MACROD2: variants seen among roughly 807,000 people sequenced by gnomAD.
MACROD2 encodes ADP-ribose glycohydrolase MACROD2.
MACROD2 carries 36 observed loss-of-function variants against 70.4 expected under a neutral mutation model. The ratio of observed to expected loss-of-function variants is 0.51; its 90% confidence interval spans 0.39 to 0.68. The LOEUF (loss-of-function observed/expected upper bound fraction) is 0.68. MACROD2 is among the 30% of genes least tolerant of loss of function. MACROD2 has a pLI of 0.00. For synonymous variants in MACROD2, 172 were observed against 178.8 expected (o/e 0.96, Z 0.30); for missense variants, 496 against 538.4 (o/e 0.92, Z 0.78).
At chr20:15,894,785 G>A (rs2064944352) in intron 10 of MACROD2, among the ~76,000 whole-genome samples, 1 of 152,198 alleles carries the variant, frequency 6.6e-6, no homozygotes, top group Non-Finnish European at 1.5e-5. Context: ...AGTGAAATGT[G>A]CTTGAAAGTT....
intron 12 of MACROD2, among the ~76,000 whole-genome samples, chr20:15,953,017 G>A (rs1376674736): frequency 6.6e-6 from 1 of 151,984 alleles, no homozygotes; most frequent in Admixed American, 6.6e-5. Context: ...ATACACAATG[G>A]AATATTATTT....
chr20:14,494,707 T>C (rs2084834362), intron 4 of MACROD2, among the ~76,000 whole-genome samples: 1 of 152,042 alleles, frequency 6.6e-6, no homozygotes, highest in African/African-American at 2.4e-5. Flanking sequence ...AATAGAACAG[T>C]GGGGGATTCA....
chr20:14,549,151 C>T (rs543164622), intron 4 of MACROD2, among the ~76,000 whole-genome samples: 2 of 152,234 alleles, frequency 1.3e-5, no homozygotes, highest in Admixed American at 6.5e-5. Flanking sequence ...ACACCATTCT[C>T]GTCTGAGACA....
At chr20:14,997,932 G>A (rs1406660684) in intron 5 of MACROD2, among the ~76,000 whole-genome samples, 1 of 152,156 alleles carries the variant, frequency 6.6e-6, no homozygotes, top group Non-Finnish European at 1.5e-5. Flanking sequence ...CAGAGAGTAA[G>A]GGGAGAGAAC....
intron 5 of MACROD2, among the ~76,000 whole-genome samples, chr20:14,928,777 C>T (rs1027772030): frequency 2.0e-5 from 3 of 152,170 alleles, no homozygotes; most frequent in African/African-American, 7.2e-5. Context: ...CCCACATCTT[C>T]TCAAATTCAC....
chr20:14,765,775 A>T (rs2072079628), intron 5 of MACROD2, among the ~76,000 whole-genome samples: 1 of 152,130 alleles, frequency 6.6e-6, no homozygotes, highest in African/African-American at 2.4e-5. Context: ...GTCTGAGTCC[A>T]CATGAAAACA....
chr20:15,868,309 C>T lies in MACROD2; in HGVS notation c.727+5483C>T, dbSNP rs565237602. Among the ~76,000 whole-genome samples the T allele has an allele frequency of 4.5e-4, 69 of 152,278 alleles. No homozygotes were observed. The South Asian group carries it at 5.4e-3, about 12-fold the overall frequency. ...CTTCTGGTTTTGCACCCTCTCTGTTCACTCTGTACCCACAGATTTCTATAT... is the reference window on the plus strand; with the variant it reads ...CTTCTGGTTTTGCACCCTCTCTGTTTACTCTGTACCCACAGATTTCTATAT... On this transcript the variant is annotated intron_variant, in intron 9 of 17. Transcript: ENST00000684519.
At chr20:14,578,191 G>A (rs1000340318) in intron 4 of MACROD2, among the ~76,000 whole-genome samples, 2 of 151,046 alleles carry the variant, frequency 1.3e-5, no homozygotes, top group Non-Finnish European at 2.9e-5. Context: ...TATATCAATG[G>A]CAGGTTTTCT....
chr20:14,992,437 A>G (rs535959353), intron 5 of MACROD2, among the ~76,000 whole-genome samples: 2 of 152,262 alleles, frequency 1.3e-5, no homozygotes, highest in East Asian at 3.9e-4. Flanking sequence ...GCTTTGATGT[A>G]TTTGTTTTTG....
chr20:15,332,286 G>A (rs899458066), intron 6 of MACROD2, among the ~76,000 whole-genome samples: 9 of 151,556 alleles, frequency 5.9e-5, no homozygotes, highest in Non-Finnish European at 1.0e-4. Context: ...TTTGAGAAGT[G>A]CACATAATAA....
At chr20:14,656,237 C>T (rs1265922687) in intron 4 of MACROD2, among the ~76,000 whole-genome samples, 1 of 152,152 alleles carries the variant, frequency 6.6e-6, no homozygotes, top group Non-Finnish European at 1.5e-5. Flanking sequence ...CAAGAGATTT[C>T]GGAGGTCTGC....
intron 8 of MACROD2, among the ~76,000 whole-genome samples, chr20:15,612,318 T>G (rs975577772): frequency 2.6e-5 from 4 of 152,200 alleles, no homozygotes; most frequent in Admixed American, 2.0e-4. Flanking sequence ...TGTTCTAATC[T>G]AATTGTCTGC....
rs1172426433 is a variant in MACROD2 at position 13,996,129 on chromosome 20, C to G, written c.46+320C>G. On this transcript the variant is annotated intron_variant, in intron 1 of 17. Coordinates refer to ENST00000684519, the MANE Select transcript of MACROD2 (RefSeq NM_001351661.2). ...CGGCGGGGACCCCCAGGCGGCAGCC[C>G]CGGGCGCGGCACAAGTTCCTCTGCA... Among the ~76,000 whole-genome samples, 6 of 151,316 alleles carry G rather than the reference C, an allele frequency of 4.0e-5. No homozygotes were observed. In the East Asian group the frequency reaches 7.9e-4, roughly 20 times the overall value.
chr20:14,498,428 T>G (rs376577), intron 4 of MACROD2, among the ~76,000 whole-genome samples: 124,840 of 152,220 alleles, frequency 0.82, 51,610 homozygotes, highest in East Asian at 1. Context: ...ATTCAGCAAA[T>G]ATTAATTGAG....
intron 5 of MACROD2, among the ~76,000 whole-genome samples, chr20:14,690,728 A>G (rs1402173081): frequency 2.6e-5 from 4 of 152,206 alleles, no homozygotes; most frequent in Non-Finnish European, 5.9e-5. Flanking sequence ...GCCTGTTTTT[A>G]TAGATAAAGC....
intron 5 of MACROD2, among the ~76,000 whole-genome samples, chr20:14,878,537 A>T (rs1412255961): frequency 6.6e-6 from 1 of 152,178 alleles, no homozygotes; most frequent in African/African-American, 2.4e-5. Context: ...ATTACAAAAT[A>T]GAGATAGACT....
chr20:14,320,741 A>G (rs1478280564), intron 3 of MACROD2, among the ~76,000 whole-genome samples: 1 of 135,502 alleles, frequency 7.4e-6, no homozygotes, highest in Non-Finnish European at 1.5e-5. Context: ...GTAAGTCTTT[A>G]CTGGGGCCTA....
chr20:14,754,793 T>C (rs2071918209), intron 5 of MACROD2, among the ~76,000 whole-genome samples: 1 of 88,230 alleles, frequency 1.1e-5, no homozygotes, highest in Non-Finnish European at 2.5e-5. Flanking sequence ...TTAGGTAAAG[T>C]GATTTTTTTT....
chr20:15,085,873 A>ACAACACACAC (rs35503821), intron 5 of MACROD2, among the ~76,000 whole-genome samples: 12 of 144,386 alleles, frequency 8.3e-5, no homozygotes, highest in African/African-American at 2.3e-4. Context: ...ACACACACAC[A>ACAACACACAC]ACACACACAC....
Sources: allele counts gnomAD v4.1 joint callset (sites outside exome capture counted in the v4.1 genomes callset), GRCh38; gene constraint gnomAD v4.1.1; transcripts MANE v1.5; gene names NCBI Gene and HGNC (gene_info 2026-07-23, HGNC 2026-07-21).